EXTL3: variants seen among roughly 807,000 people sequenced by gnomAD.
EXTL3 encodes the protein exostosin like glycosyltransferase 3, also known as exostosin-like 3.
In EXTL3, 27 loss-of-function variants were observed where a neutral mutation model predicts 69.3. That is an observed-to-expected ratio of 0.39 (90% confidence interval 0.29 to 0.54). The LOEUF (loss-of-function observed/expected upper bound fraction) is 0.54, where lower values mean the gene tolerates loss of function less well. Ranked by LOEUF, EXTL3 falls within the 20% of genes least tolerant of loss-of-function variation. The pLI is 0.69. For synonymous variants in EXTL3, 511 were observed against 499.4 expected (o/e 1.02, Z -0.31); for missense variants, 1,003 against 1,231.8 (o/e 0.81, Z 2.78).
chr8:28,687,484 A>AG (rs1585251606), intron 1 of EXTL3, among the ~76,000 whole-genome samples: 1 of 152,120 alleles, frequency 6.6e-6, no homozygotes, highest in East Asian at 1.9e-4. Context: ...AAAAAAGAAA[A>AG]TGATTACTAG....
chr8:28,614,964 C>T (rs1806313474), intron 2 of EXTL3, among the ~76,000 whole-genome samples: 1 of 151,906 alleles, frequency 6.6e-6, no homozygotes, highest in African/African-American at 2.4e-5. Context: ...GGTATAAAGC[C>T]CAGCATCCAT....
At chr8:28,742,437 C>T (rs553299098) in intron 5 of EXTL3, 21 of 157,374 alleles carry the variant, frequency 1.3e-4, no homozygotes, top group Admixed American at 1.3e-3. Flanking sequence ...GTGTTGGAGG[C>T]TTTGGAGCGA....
At chr8:28,707,594 A>G (rs925296110) in intron 1 of EXTL3, among the ~76,000 whole-genome samples, 1 of 152,188 alleles carries the variant, frequency 6.6e-6, no homozygotes, top group African/African-American at 2.4e-5. Context: ...CTGAATCTCC[A>G]TTACTATCAA....
chr8:28,726,536 T>G (rs370726698), intron 3 of EXTL3, among the ~76,000 whole-genome samples: 1 of 152,194 alleles, frequency 6.6e-6, no homozygotes, highest in South Asian at 2.1e-4. Flanking sequence ...TTCCTGCAGG[T>G]TGACTCTAAA....
chr8:28,627,344 G>A (rs1346770530), intron 1 of EXTL3, among the ~76,000 whole-genome samples: 1 of 151,964 alleles, frequency 6.6e-6, no homozygotes, highest in African/African-American at 2.4e-5. Flanking sequence ...ACAAAAATTA[G>A]CCTGGCATGG....
At chr8:28,643,829 A>T (rs1806785361) in intron 1 of EXTL3, among the ~76,000 whole-genome samples, 1 of 152,044 alleles carries the variant, frequency 6.6e-6, no homozygotes, top group African/African-American at 2.4e-5. Flanking sequence ...ACAGTGTCAC[A>T]ATCACAGCTC....
chr8:28,667,211 A>G (rs1310336322), intron 1 of EXTL3, among the ~76,000 whole-genome samples: 3 of 152,240 alleles, frequency 2.0e-5, no homozygotes, highest in Admixed American at 2.0e-4. Context: ...AACCCTGAAT[A>G]TAACAGTGGC....
chr8:28,629,838 C>G (rs1048886051), intron 1 of EXTL3, among the ~76,000 whole-genome samples: 1 of 152,064 alleles, frequency 6.6e-6, no homozygotes, highest in Non-Finnish European at 1.5e-5. Flanking sequence ...CCCAGTGATA[C>G]ATGCAGCAGA....
chr8:28,654,754 C>G (rs1366578383), intron 1 of EXTL3, among the ~76,000 whole-genome samples: 1 of 152,038 alleles, frequency 6.6e-6, no homozygotes, highest in Non-Finnish European at 1.5e-5. Context: ...TTCTGGAGCC[C>G]CATCTTCTTT....
intron 2 of EXTL3, among the ~76,000 whole-genome samples, chr8:28,714,634 G>A (rs973936712): frequency 6.6e-6 from 1 of 152,172 alleles, no homozygotes; most frequent in Non-Finnish European, 1.5e-5. Context: ...AAAAGAAACC[G>A]GGAATATTCC....
At chr8:28,672,057 G>A (rs1459254948) in intron 1 of EXTL3, among the ~76,000 whole-genome samples, 1 of 152,136 alleles carries the variant, frequency 6.6e-6, no homozygotes, top group Non-Finnish European at 1.5e-5. Context: ...CATCCCTTAA[G>A]TAGCAAAGAG....
Position 28,717,630 on chromosome 8 carries a change from A to T in EXTL3, c.1571A>T (p.Asp524Val). ...FLWETYFSTA[D>V]SIFNTVLAMI... Reference sequence around the variant, plus strand: ...TGGGAGACTTACTTCTCCACTGCTGACAGTATTTTTAATACCGTGCTGGCT... The same window carrying T: ...TGGGAGACTTACTTCTCCACTGCTGTCAGTATTTTTAATACCGTGCTGGCT... Residue 524 changes from aspartate (D) to valine (V), a missense_variant, in exon 3 of 7, where the codon GAC becomes GTC. By Grantham distance (152) the Asp-to-Val change is radical. Around this residue, in one of 2 missense-constraint regions of EXTL3, gnomAD observed 742 missense variants for 815.4 expected, o/e 0.91. Coordinates refer to ENST00000220562, the MANE Select transcript of EXTL3 (RefSeq NM_001440.4). The surrounding 1 kb of genome is among the most constrained non-coding windows in gnomAD (Gnocchi z 8.3). The T allele has an allele frequency of 6.2e-7, 1 of 1,614,212 alleles. No individual in the cohort carries two copies. Among genetic ancestry groups the T allele is most frequent in the Middle Eastern group, 1.6e-4 (1 of 6,062 alleles).
chr8:28,616,732 GT>G (rs1204819140), intron 2 of EXTL3, among the ~76,000 whole-genome samples: 1 of 152,226 alleles, frequency 6.6e-6, no homozygotes, highest in African/African-American at 2.4e-5. Flanking sequence ...CAGTTAACAG[GT>G]GTGCGCTGAG....
In EXTL3 at chr8:28,743,079, C is replaced by G. The variant is rs112933134; in HGVS notation, c.2422-7C>G. 3.7e-6 allele frequency: 6 copies of G among 1,613,932 alleles called. No individual in the cohort carries two copies. In the South Asian group the frequency reaches 6.6e-5, roughly 18 times the overall value. Reference sequence around the variant, plus strand: ...AGAGCATGTGGTTCTTTTTCTTCCCCTGACAGTATTATGCCTACCTGTATT... The same window carrying G: ...AGAGCATGTGGTTCTTTTTCTTCCCGTGACAGTATTATGCCTACCTGTATT... On this transcript the variant is annotated splice_region_variant and splice_polypyrimidine_tract_variant and intron_variant, in intron 5 of 6. Coordinates refer to ENST00000220562, the MANE Select transcript of EXTL3 (RefSeq NM_001440.4).
intron 1 of EXTL3, among the ~76,000 whole-genome samples, chr8:28,712,998 T>C (rs1002260774): frequency 2.0e-5 from 3 of 152,170 alleles, no homozygotes; most frequent in African/African-American, 4.8e-5. Flanking sequence ...CATCATTCAG[T>C]GTCAACAGCA....
chr8:28,632,064 G>C (rs1353953483), intron 1 of EXTL3, among the ~76,000 whole-genome samples: 1 of 150,966 alleles, frequency 6.6e-6, no homozygotes. Flanking sequence ...CTGCACTCCG[G>C]CCTGGCGACA....
At chr8:28,644,056 G>T (rs925892994) in intron 1 of EXTL3, among the ~76,000 whole-genome samples, 1 of 151,990 alleles carries the variant, frequency 6.6e-6, no homozygotes, top group East Asian at 1.9e-4. Context: ...GAGTCATTGT[G>T]CCCAGCCTAA....
At chr8:28,634,175 T>C (rs1374510626) in intron 1 of EXTL3, among the ~76,000 whole-genome samples, 1 of 152,232 alleles carries the variant, frequency 6.6e-6, no homozygotes, top group East Asian at 1.9e-4. Flanking sequence ...CGTATTTGTT[T>C]GCTTTTCCCT....
rs1801135877 is a variant in EXTL3, at chr8:28,716,059, C to T, written c.-1C>T. On this transcript the variant is annotated 5_prime_UTR_variant, in exon 3 of 7. Transcript: ENST00000220562. The surrounding 1 kb of genome is among the most constrained non-coding windows in gnomAD (Gnocchi z 7.1). ...TCTGGGGGGCAGGCTGCAGAGGACT[C>T]ATGACAGGCTATACCATGCTGCGGA... The T allele has an allele frequency of 1.2e-6, 2 of 1,602,034 alleles. No homozygotes were observed. The highest frequency in any genetic ancestry group is 2.2e-5 in the East Asian group (1 of 44,794).
Sources: allele counts gnomAD v4.1 joint callset (sites outside exome capture counted in the v4.1 genomes callset), GRCh38; gene constraint gnomAD v4.1.1; regional missense constraint gnomAD v4.1.1; non-coding constraint Gnocchi (gnomAD v3.1); transcripts MANE v1.5; gene names NCBI Gene and HGNC (gene_info 2026-07-23, HGNC 2026-07-21).